MYC: variants seen among roughly 807,000 people sequenced by gnomAD.
The protein encoded by MYC is MYC proto-oncogene, bHLH transcription factor.
MYC carries 1 observed loss-of-function variant against 30.5 expected under a neutral mutation model. The observed-to-expected ratio is 0.03, with a 90% CI of 0.01 to 0.16. The LOEUF (loss-of-function observed/expected upper bound fraction) is 0.16, where lower values mean the gene tolerates loss of function less well. MYC is among the 10% of genes least tolerant of loss of function. The probability of loss-of-function intolerance (pLI) is 1.00; values close to 1 mark genes in which losing one functional copy is unlikely to be tolerated. For missense variants in MYC, 508 were observed against 589.0 expected, an observed-to-expected ratio of 0.86 and a Z score of 1.42; for synonymous variants, 267 against 250.7, an observed-to-expected ratio of 1.07 and a Z score of -0.62.
At chr8:127,736,212 G>A (rs757201522), upstream of MYC, 5 of 495,920 alleles carry the variant, frequency 1.0e-5, no homozygotes, top group Non-Finnish European at 1.8e-5. Context: ...TATAAAAGCC[G>A]GTTTTCGGGG....
rs746689707 is a variant in MYC at position 127,736,322 on chromosome 8, G to C, written c.-272G>C. On this transcript the variant is annotated 5_prime_UTR_variant, in exon 1 of 3. Coordinates refer to ENST00000621592, the MANE Select transcript of MYC (RefSeq NM_002467.6). Reference sequence around the variant, plus strand: ...CCGGGCGAGCAGAGCTGCGCTGCGGGCGTCCTGGGAAGGGAGATCCGGAGC... The same window carrying C: ...CCGGGCGAGCAGAGCTGCGCTGCGGCCGTCCTGGGAAGGGAGATCCGGAGC... The C allele has an allele frequency of 8.5e-6, 5 of 586,880 alleles. No individual in the cohort carries two copies. The highest frequency in any genetic ancestry group is 3.1e-5 in the Admixed American group (1 of 31,746). The allele number at this position is 586,880 out of a possible 1,614,324, so 36.4% of individuals were successfully genotyped here.
chr8:127,738,745 C>T lies in MYC; in HGVS notation c.528C>T (p.Ser176=), dbSNP rs1233270650. ...AGGCTGCGCGCAAAGACAGCGGCAG[C>T]CCGAACCCCGCCCGCGGCCACAGCG... The change falls in exon 2 of 3, where the codon AGC becomes AGT. Residue 176 remains serine, a synonymous_variant. Coordinates refer to ENST00000621592, the MANE Select transcript of MYC (RefSeq NM_002467.6). The surrounding 1 kb of genome is among the most constrained non-coding windows in gnomAD (Gnocchi z 7.6). The T allele has an allele frequency of 1.9e-6, 3 of 1,612,248 alleles. No individual in the cohort carries two copies. The highest frequency in any genetic ancestry group is 2.5e-6 in the Non-Finnish European group (3 of 1,179,052).
intron 1 of MYC, 92 bp downstream of exon 1, chr8:127,736,715 C>T (rs2130084530): frequency 7.2e-7 from 1 of 1,393,652 alleles, no homozygotes; most frequent in Non-Finnish European, 1.0e-6. Context: ...GTCTTTTCTC[C>T]CATTCCTGCG....
At position 127,741,855 on chromosome 8, in the gene MYC, C is replaced by T. The variant is rs1218110368; in HGVS notation, c.*897C>T. ...CAGTTGATGGGGACACGGTGGGAACCAGCTTCTGCTGCCTTCACAACCAGG... is the reference window on the plus strand; with the variant it reads ...CAGTTGATGGGGACACGGTGGGAACTAGCTTCTGCTGCCTTCACAACCAGG... On this transcript the variant is annotated 3_prime_UTR_variant, in exon 3 of 3. Coordinates refer to ENST00000621592, the MANE Select transcript of MYC (RefSeq NM_002467.6). 6.6e-6 allele frequency among the ~76,000 whole-genome samples: 1 copy of T among 152,174 alleles called. No homozygotes were observed. The highest frequency in any genetic ancestry group is 2.1e-4 in the South Asian group (1 of 4,824).
chr8:127,736,236 G>T lies in MYC; in HGVS notation c.-358G>T, dbSNP rs1780532725. On this transcript the variant is annotated 5_prime_UTR_variant, in exon 1 of 3. Coordinates refer to ENST00000621592, the MANE Select transcript of MYC (RefSeq NM_002467.6). ...CGGTTTTCGGGGCTTTATCTAACTC[G>T]CTGTAGTAATTCCAGCGAGAGGCAG... is the stretch of plus-strand genomic sequence containing the variant. 5.8e-6 allele frequency: 3 copies of T among 518,654 alleles called. No homozygotes were observed. The highest frequency in any genetic ancestry group is 1.0e-5 in the Non-Finnish European group (3 of 296,190). 32.1% of individuals were successfully genotyped at this position (518,654 alleles called of 1,614,324 possible).
In MYC at chr8:127,742,942, C is replaced by A. The variant is rs1586591836; in HGVS notation, c.*1984C>A. On this transcript the variant is annotated 3_prime_UTR_variant, in exon 3 of 3. Transcript: ENST00000621592. ...CCACCCATAAATCAATAAATAATTA[C>A]TTTCTTTGACTCTGACTCCTAGAAT... Among the ~76,000 whole-genome samples the A allele has an allele frequency of 1.3e-5, 2 of 152,204 alleles. No homozygotes were observed. Among genetic ancestry groups the A allele is most frequent in the East Asian group, 1.9e-4 (1 of 5,206 alleles).
At chr8:127,737,893 T>A (rs3891248) in intron 1 of MYC, among the ~76,000 whole-genome samples, 46,172 of 152,062 alleles carry the variant, frequency 0.3, 10,033 homozygotes, top group African/African-American at 0.61. Flanking sequence ...GGCAAATTGT[T>A]TTCCTCACCG....
At chr8:127,737,421 G>A (rs1258474194) in intron 1 of MYC, among the ~76,000 whole-genome samples, 1 of 152,232 alleles carries the variant, frequency 6.6e-6, no homozygotes, top group African/African-American at 2.4e-5. Flanking sequence ...CCGAGATGCG[G>A]AGGAACTGCG....
At position 127,741,052 on chromosome 8, in the gene MYC, A is replaced by C; in HGVS notation, c.*94A>C. The C allele has an allele frequency of 8.4e-7, 1 of 1,186,306 alleles. No individual in the cohort carries two copies. Among genetic ancestry groups the C allele is most frequent in the South Asian group, 2.0e-5 (1 of 49,926 alleles). The allele number at this position is 1,186,306 out of a possible 1,614,324, so 73.5% of individuals were successfully genotyped here. A position where few individuals can be genotyped will look rare whatever the true frequency, so the allele number is the denominator to read the frequency against. On this transcript the variant is annotated 3_prime_UTR_variant, in exon 3 of 3. Coordinates refer to ENST00000621592, the MANE Select transcript of MYC (RefSeq NM_002467.6). ...ATGCATGATCAAATGCAACCTCACA[A>C]CCTTGGCTGAGTCTTGAGACTGAAA... is the stretch of plus-strand genomic sequence containing the variant.
chr8:127,740,339 A>G (rs1586590423), intron 2 of MYC, 57 bp from the exon 3 acceptor site: 2 of 1,511,784 alleles, frequency 1.3e-6, no homozygotes, highest in Non-Finnish European at 1.8e-6. Flanking sequence ...TAATCTGGTA[A>G]TTGATTATTT....
chr8:127,738,445 G>C lies in MYC; in HGVS notation c.228G>C (p.Leu76=), dbSNP rs749753251. 4 of 1,608,870 alleles carry C rather than the reference G, an allele frequency of 2.5e-6. No individual in the cohort carries two copies. Among genetic ancestry groups the C allele is most frequent in the Non-Finnish European group, 3.4e-6 (4 of 1,176,766 alleles). The change falls in exon 2 of 3, where the codon CTG becomes CTC. Residue 76 remains leucine (L), a synonymous_variant. Transcript: ENST00000621592. This position sits in a 1 kb window ranked among gnomAD's most constrained non-coding sequence, Gnocchi z 7.6. Reference sequence around the variant, plus strand: ...TCGAGCTGCTGCCCACCCCGCCCCTGTCCCCTAGCCGCCGCTCCGGGCTCT... The same window carrying C: ...TCGAGCTGCTGCCCACCCCGCCCCTCTCCCCTAGCCGCCGCTCCGGGCTCT...
chr8:127,736,353 G>A lies in MYC; in HGVS notation c.-241G>A, dbSNP rs1224235126. The A allele has an allele frequency of 3.3e-6, 2 of 600,950 alleles. No homozygotes were observed. Among genetic ancestry groups the A allele is most frequent in the African/African-American group, 1.9e-5 (1 of 53,808 alleles). The allele number at this position is 600,950 out of a possible 1,614,324, so 37.2% of individuals were successfully genotyped here. On this transcript the variant is annotated 5_prime_UTR_variant, in exon 1 of 3. Transcript: ENST00000621592. ...TGGGAAGGGAGATCCGGAGCGAATA[G>A]GGGGCTTCGCCTCTGGCCCAGCCCT...
rs1322949403 is a variant in MYC, at chr8:127,741,756, G to A, written c.*798G>A. On this transcript the variant is annotated 3_prime_UTR_variant, in exon 3 of 3. Transcript: ENST00000621592. ...TAAGGACTGGGGAGTTGGGAGGAAG[G>A]TGAGGAAGAAACTCCTGTTACTTTA... is the stretch of plus-strand genomic sequence containing the variant. Among the ~76,000 whole-genome samples, 1 of 152,194 alleles carries A rather than the reference G, an allele frequency of 6.6e-6. No individual in the cohort carries two copies. The highest frequency in any genetic ancestry group is 6.5e-5 in the Admixed American group (1 of 15,288).
At chr8:127,740,338 A>C in intron 2 of MYC, 58 bp from the exon 3 acceptor site, 1 of 1,495,768 alleles carries the variant, frequency 6.7e-7, no homozygotes, top group Non-Finnish European at 9.1e-7. Context: ...TTAATCTGGT[A>C]ATTGATTATT....
chr8:127,738,629 A>C lies in MYC; in HGVS notation c.412A>C (p.Thr138Pro), dbSNP rs771723282. The C allele has an allele frequency of 6.2e-7, 1 of 1,612,976 alleles. No individual in the cohort carries two copies. Among genetic ancestry groups the C allele is most frequent in the Non-Finnish European group, 8.5e-7 (1 of 1,179,238 alleles). ...TTTCATCTGCGACCCGGACGACGAG[A>C]CCTTCATCAAAAACATCATCATCCA... is the stretch of plus-strand genomic sequence containing the variant. Residue 138 changes from threonine (T) to proline (P), a missense_variant, in exon 2 of 3, where the codon ACC (threonine) becomes CCC (proline). Coordinates refer to ENST00000621592, the MANE Select transcript of MYC (RefSeq NM_002467.6). This position sits in a 1 kb window ranked among gnomAD's most constrained non-coding sequence, Gnocchi z 7.6.
At position 127,741,986 on chromosome 8, in the gene MYC, G is replaced by A. The variant is rs1052388785; in HGVS notation, c.*1028G>A. ...CAAGGAAATAGAAGAGCTCAAAGAGGTTATGTAACTTATCTGTAGCCACGC... is the reference window on the plus strand; with the variant it reads ...CAAGGAAATAGAAGAGCTCAAAGAGATTATGTAACTTATCTGTAGCCACGC... On this transcript the variant is annotated 3_prime_UTR_variant, in exon 3 of 3. Coordinates refer to ENST00000621592, the MANE Select transcript of MYC (RefSeq NM_002467.6). 6.6e-6 allele frequency among the ~76,000 whole-genome samples: 1 copy of A among 152,188 alleles called. No homozygotes were observed. The highest frequency in any genetic ancestry group is 2.4e-5 in the African/African-American group (1 of 41,448).
Position 127,740,875 on chromosome 8 carries a change from C to T in MYC, c.1282C>T (p.Leu428Phe), listed in dbSNP as rs746611175. The T allele has an allele frequency of 1.9e-6, 3 of 1,612,398 alleles. No homozygotes were observed. Among genetic ancestry groups the T allele is most frequent in the Non-Finnish European group, 2.5e-6 (3 of 1,179,612 alleles). ...GTCCGTCCAAGCAGAGGAGCAAAAGCTCATTTCTGAAGAGGACTTGTTGCG... is the reference window on the plus strand; with the variant it reads ...GTCCGTCCAAGCAGAGGAGCAAAAGTTCATTTCTGAAGAGGACTTGTTGCG... Residue 428 changes from leucine (L) to phenylalanine (F), a missense_variant, in exon 3 of 3, where the codon CTC becomes TTC. By Grantham distance (22) the Leu-to-Phe change is conservative. Around this residue, in one of 5 missense-constraint regions of MYC, gnomAD observed 40 missense variants for 78.4 expected, o/e 0.51. Coordinates refer to ENST00000621592, the MANE Select transcript of MYC (RefSeq NM_002467.6).
rs1586588947 is a variant in MYC at position 127,738,188 on chromosome 8, T to G, written c.31-60T>G. 1 of 1,511,504 alleles carries G rather than the reference T, an allele frequency of 6.6e-7. No homozygotes were observed. The allele number at this position is 1,511,504 out of a possible 1,614,324, so 93.6% of individuals were successfully genotyped here. A position where few individuals can be genotyped will look rare whatever the true frequency, so the allele number is the denominator to read the frequency against. On this transcript the variant is annotated intron_variant, in intron 1 of 2. Coordinates refer to ENST00000621592, the MANE Select transcript of MYC (RefSeq NM_002467.6). This position sits in a 1 kb window ranked among gnomAD's most constrained non-coding sequence, Gnocchi z 7.6. ...GGCGCGCACTGCGCGCTGCGCCAGG[T>G]TTCCGCACCAAGACCCCTTTAACTC...
chr8:127,739,655 A>G (rs1336213262), intron 2 of MYC, among the ~76,000 whole-genome samples: 1 of 128,878 alleles, frequency 7.8e-6, no homozygotes, highest in Admixed American at 7.5e-5. Flanking sequence ...GCAAAACTGC[A>G]ATTTTTTTTT....
Sources: allele counts gnomAD v4.1 joint callset (sites outside exome capture counted in the v4.1 genomes callset), GRCh38; gene constraint gnomAD v4.1.1; regional missense constraint gnomAD v4.1.1; non-coding constraint Gnocchi (gnomAD v3.1); transcripts MANE v1.5; gene names NCBI Gene and HGNC (gene_info 2026-07-23, HGNC 2026-07-21).